The following MSRA variants were observed in gnomAD, a reference collection of about 807,000 sequenced individuals.
MSRA encodes the protein methionine sulfoxide reductase A, also known as mitochondrial peptide methionine sulfoxide reductase.
MSRA carries 54 observed loss-of-function variants against 31.3 expected under a neutral mutation model. That is an observed-to-expected ratio of 1.73 (90% CI 1.39 to 2.17). MSRA has a LOEUF of 2.17. MSRA is among the 30% of genes most tolerant of loss of function. The pLI, the probability that MSRA is intolerant of heterozygous loss-of-function variation, is 0.00. For missense variants in MSRA, 507 were observed against 300.9 expected (o/e 1.69, Z -5.07); for synonymous variants, 169 against 116.5 (o/e 1.45, Z -2.90).
At chr8:10,384,467 T>C (rs530123718) in intron 5 of MSRA, among the ~76,000 whole-genome samples, 3 of 152,342 alleles carry the variant, frequency 2.0e-5, no homozygotes, top group African/African-American at 7.2e-5. Context: ...TCTTTCTCTC[T>C]CCTGGTGGAG....
chr8:10,089,210 A>T (rs1033273739), intron 1 of MSRA, among the ~76,000 whole-genome samples: 1 of 152,144 alleles, frequency 6.6e-6, no homozygotes, highest in Non-Finnish European at 1.5e-5. Flanking sequence ...TGCAGTAACC[A>T]TTTTGCCATC....
chr8:10,335,510 C>G lies in MSRA; in HGVS notation c.543+15521C>G, dbSNP rs757917951. Among the ~76,000 whole-genome samples the G allele has an allele frequency of 6.6e-5, 10 of 152,172 alleles. No homozygotes were observed. In the South Asian group the frequency reaches 1.2e-3, roughly 19 times the overall value. On this transcript the variant is annotated intron_variant, in intron 5 of 5. Coordinates refer to ENST00000317173, the MANE Select transcript of MSRA (RefSeq NM_012331.5). Reference sequence around the variant, plus strand: ...CTGGGGAGGCGATTGGAATTACCATCTGGCCTCAGAGCTGCGGGTGACTCT... The same window carrying G: ...CTGGGGAGGCGATTGGAATTACCATGTGGCCTCAGAGCTGCGGGTGACTCT...
chr8:10,109,004 T>G (rs1457312145), intron 1 of MSRA, among the ~76,000 whole-genome samples: 1 of 152,228 alleles, frequency 6.6e-6, no homozygotes, highest in African/African-American at 2.4e-5. Flanking sequence ...TCAGCAGGTG[T>G]ACTGAACAGA....
chr8:10,064,341 A>G (rs1285408762), intron 1 of MSRA, among the ~76,000 whole-genome samples: 1 of 151,882 alleles, frequency 6.6e-6, no homozygotes, highest in Non-Finnish European at 1.5e-5. Context: ...ATGAAAGGGG[A>G]CATAGGCTTT....
At chr8:10,129,842 C>CA (rs1259141277) in intron 1 of MSRA, among the ~76,000 whole-genome samples, 10 of 35,820 alleles carry the variant, frequency 2.8e-4, no homozygotes, top group African/African-American at 6.8e-4. Flanking sequence ...ACAGGGTTGA[C>CA]ATTCAGCAAA....
intron 5 of MSRA, among the ~76,000 whole-genome samples, chr8:10,396,830 C>T (rs1422663802): frequency 6.6e-6 from 1 of 152,194 alleles, no homozygotes; most frequent in African/African-American, 2.4e-5. Flanking sequence ...TGGGGTATGG[C>T]CCTTACGCGA....
chr8:10,262,682 T>G lies in MSRA; in HGVS notation c.331+17459T>G, dbSNP rs114966201. ...CTTTTCATTCTCTGAAAAATTTCTT[T>G]CCCCAGGCATCCATTATTTGTGAAC... On this transcript the variant is annotated intron_variant, in intron 3 of 5. Coordinates refer to ENST00000317173, the MANE Select transcript of MSRA (RefSeq NM_012331.5). Among the ~76,000 whole-genome samples, 1,511 of 152,292 alleles carry G rather than the reference T, an allele frequency of 9.9e-3. 29 individuals are homozygous for G. Among genetic ancestry groups the G allele is most frequent in the African/African-American group, 0.035 (1,448 of 41,550 alleles).
intron 3 of MSRA, among the ~76,000 whole-genome samples, chr8:10,259,888 C>T (rs1798381475): frequency 6.6e-6 from 1 of 152,310 alleles, no homozygotes; most frequent in Non-Finnish European, 1.5e-5. Context: ...TCGGGCTCTG[C>T]CCGCCTCACC....
At chr8:10,195,191 A>T (rs1021909487) in intron 1 of MSRA, among the ~76,000 whole-genome samples, 1 of 152,224 alleles carries the variant, frequency 6.6e-6, no homozygotes, top group Non-Finnish European at 1.5e-5. Flanking sequence ...AGCCTGTGCT[A>T]TGGAAGCTCA....
chr8:10,179,627 C>T (rs138408511), intron 1 of MSRA, among the ~76,000 whole-genome samples: 5 of 152,170 alleles, frequency 3.3e-5, no homozygotes, highest in Admixed American at 1.3e-4. Flanking sequence ...AGCCCTGAAT[C>T]GACCCAGCTG....
At chr8:10,203,534 C>T (rs534968993) in intron 1 of MSRA, among the ~76,000 whole-genome samples, 26 of 152,264 alleles carry the variant, frequency 1.7e-4, no homozygotes, top group African/African-American at 6.0e-4. Context: ...ATGGTGACAT[C>T]GTAGCACAAC....
intron 5 of MSRA, among the ~76,000 whole-genome samples, chr8:10,354,992 A>G (rs919413280): frequency 7.9e-5 from 12 of 152,290 alleles, no homozygotes; most frequent in African/African-American, 2.9e-4. Flanking sequence ...CAGAAGAGGA[A>G]TGGCTACATA....
At chr8:10,376,535 G>A (rs1187171126) in intron 5 of MSRA, among the ~76,000 whole-genome samples, 2 of 152,156 alleles carry the variant, frequency 1.3e-5, no homozygotes, top group African/African-American at 4.8e-5. Context: ...GATAGGACCT[G>A]CCTCCTGGGG....
At chr8:10,099,988 G>T (rs1799427175) in intron 1 of MSRA, among the ~76,000 whole-genome samples, 1 of 152,208 alleles carries the variant, frequency 6.6e-6, no homozygotes, top group African/African-American at 2.4e-5. Flanking sequence ...GACAAAGGCA[G>T]AGGGGATGGA....
At position 10,428,672 on chromosome 8, in the gene MSRA, C is replaced by T. The variant is rs760388121; in HGVS notation, c.*360C>T. The T allele has an allele frequency of 5.1e-5, 13 of 257,254 alleles. No individual in the cohort carries two copies. The highest frequency in any genetic ancestry group is 9.3e-5 in the African/African-American group (4 of 42,830). The allele number at this position is 257,254 out of a possible 1,614,324, so 15.9% of individuals were successfully genotyped here. A position where few individuals can be genotyped will look rare whatever the true frequency, so the allele number is the denominator to read the frequency against. On this transcript the variant is annotated 3_prime_UTR_variant, in exon 6 of 6. Transcript: ENST00000317173. ...AAGTCCTTTATCTGTGCTCTCTGCC[C>T]GCCAGTGCCTTACAATTTGCAAACG...
At chr8:10,424,705 G>C (rs1809027926) in intron 5 of MSRA, among the ~76,000 whole-genome samples, 2 of 152,180 alleles carry the variant, frequency 1.3e-5, no homozygotes, top group Admixed American at 6.5e-5. Flanking sequence ...GAAAGGCCTG[G>C]GGTGTTCTGA....
intron 1 of MSRA, among the ~76,000 whole-genome samples, chr8:10,118,541 C>G (rs1175869576): frequency 6.6e-6 from 1 of 152,092 alleles, no homozygotes; most frequent in Non-Finnish European, 1.5e-5. Flanking sequence ...CAAACTCGAG[C>G]CTAGTACCCA....
chr8:10,153,759 C>T (rs780702256), intron 1 of MSRA, among the ~76,000 whole-genome samples: 8 of 152,080 alleles, frequency 5.3e-5, no homozygotes, highest in Non-Finnish European at 8.8e-5. Context: ...GAAATATGTT[C>T]GAGGAGGAAG....
At chr8:10,382,588 G>A (rs1806137949) in intron 5 of MSRA, among the ~76,000 whole-genome samples, 1 of 152,178 alleles carries the variant, frequency 6.6e-6, no homozygotes, top group Non-Finnish European at 1.5e-5. Flanking sequence ...CCAGGAGAGG[G>A]CTTTGCCAAG....
Sources: gnomAD v4.1 joint callset for allele counts (sites outside exome capture counted in the v4.1 genomes callset) on GRCh38, gnomAD v4.1.1 for gene constraint, MANE v1.5 for transcripts, NCBI Gene and HGNC (gene_info 2026-07-23, HGNC 2026-07-21) for gene names.